Variants in ATE1 observed in about 807,000 individuals in gnomAD.
The protein encoded by ATE1 is arginyltransferase 1.
In ATE1, 36 loss-of-function variants were observed where a neutral mutation model predicts 70.5. The ratio of observed to expected loss-of-function variants is 0.51; its 90% CI spans 0.39 to 0.67. The LOEUF (loss-of-function observed/expected upper bound fraction) is 0.67. Ranked by LOEUF, ATE1 falls within the 30% of genes least tolerant of loss-of-function variation. The pLI is 0.00. For missense variants in ATE1, 593 were observed against 629.5 expected (o/e 0.94, Z 0.62); for synonymous variants, 232 against 219.3 (o/e 1.06, Z -0.51).
At chr10:121,895,129 G>A (rs190326080) in intron 7 of ATE1, among the ~76,000 whole-genome samples, 5 of 152,202 alleles carry the variant, frequency 3.3e-5, no homozygotes, top group African/African-American at 7.2e-5. Flanking sequence ...ATACACTTCC[G>A]GTGGGAATGG....
chr10:121,799,548 G>A (rs572245166), intron 10 of ATE1, among the ~76,000 whole-genome samples: 5 of 152,264 alleles, frequency 3.3e-5, no homozygotes, highest in Non-Finnish European at 7.4e-5. Context: ...CACCAAACAG[G>A]AGATGAAATG....
intron 3 of ATE1, among the ~76,000 whole-genome samples, chr10:121,915,890 CAAAAA>C (rs535820496): frequency 2.0e-5 from 2 of 98,044 alleles, no homozygotes; most frequent in African/African-American, 3.5e-5. Context: ...GACTCCATCT[CAAAAA>C]AAAAACAAAA....
intron 4 of ATE1, among the ~76,000 whole-genome samples, chr10:121,912,879 C>T (rs190332496): frequency 4.8e-4 from 65 of 134,996 alleles, no homozygotes; most frequent in African/African-American, 1.2e-3. Context: ...GGACTACGGG[C>T]GTGCACCACG....
chr10:121,812,819 G>A (rs1358178118), intron 10 of ATE1, among the ~76,000 whole-genome samples: 1 of 152,116 alleles, frequency 6.6e-6, no homozygotes, highest in Non-Finnish European at 1.5e-5. Context: ...GTTAAACTGG[G>A]ATAGCTCCAG....
intron 11 of ATE1, among the ~76,000 whole-genome samples, chr10:121,771,401 C>T (rs1945513409): frequency 6.6e-6 from 1 of 152,124 alleles, no homozygotes; most frequent in Non-Finnish European, 1.5e-5. Context: ...TTTCTGAATG[C>T]CAAAATAATG....
chr10:121,782,020 T>C (rs947474833), intron 11 of ATE1, among the ~76,000 whole-genome samples: 1 of 152,196 alleles, frequency 6.6e-6, no homozygotes, highest in Non-Finnish European at 1.5e-5. Flanking sequence ...ATAGCTTATT[T>C]TTCTGCAAAG....
At chr10:121,811,125 A>G (rs1415796351) in intron 10 of ATE1, among the ~76,000 whole-genome samples, 1 of 152,264 alleles carries the variant, frequency 6.6e-6, no homozygotes, top group African/African-American at 2.4e-5. Context: ...ACTGAAATTG[A>G]TAACTGTAAT....
intron 10 of ATE1, among the ~76,000 whole-genome samples, chr10:121,830,536 A>G (rs1948197413): frequency 6.6e-6 from 1 of 152,202 alleles, no homozygotes; most frequent in South Asian, 2.1e-4. Context: ...TCTTTTCTTT[A>G]TAAATTCTCA....
chr10:121,838,457 C>G (rs1948510280), intron 9 of ATE1, among the ~76,000 whole-genome samples: 1 of 152,172 alleles, frequency 6.6e-6, no homozygotes, highest in African/African-American at 2.4e-5. Context: ...TCCTGGCCAC[C>G]TCGAGGCACT....
intron 10 of ATE1, among the ~76,000 whole-genome samples, chr10:121,824,590 A>T (rs1025799875): frequency 6.6e-6 from 1 of 152,220 alleles, no homozygotes; most frequent in Non-Finnish European, 1.5e-5. Context: ...AGACGGATTT[A>T]GCCTTTTGTT....
rs1436260805 is a variant in ATE1 at position 121,740,653 on chromosome 10, T to G, written c.*3027A>C. The G allele has an allele frequency of 2.0e-5, 3 of 152,248 alleles. No homozygotes were observed. The highest frequency in any genetic ancestry group is 4.4e-5 in the Non-Finnish European group (3 of 68,048). 9.4% of individuals were successfully genotyped at this position (152,248 alleles called of 1,614,324 possible). A position where few individuals can be genotyped will look rare whatever the true frequency, so the allele number is the denominator to read the frequency against. On this transcript the variant is annotated 3_prime_UTR_variant, in exon 12 of 12. Coordinates refer to ENST00000224652, the MANE Select transcript of ATE1 (RefSeq NM_001001976.3). Reference sequence around the variant, plus strand: ...CAACGACAGATACATTTTAGTTAACTGTTTCATATTCCTTATCTTTATTCA... The same window carrying G: ...CAACGACAGATACATTTTAGTTAACGGTTTCATATTCCTTATCTTTATTCA...
intron 4 of ATE1, among the ~76,000 whole-genome samples, chr10:121,911,662 G>A (rs1235466177): frequency 6.6e-6 from 1 of 152,032 alleles, no homozygotes; most frequent in Non-Finnish European, 1.5e-5. Context: ...GAAATCACAT[G>A]TTAAAGAAAA....
chr10:121,908,459 G>A (rs754689307), intron 5 of ATE1, among the ~76,000 whole-genome samples: 5 of 152,230 alleles, frequency 3.3e-5, no homozygotes, highest in South Asian at 2.1e-4. Flanking sequence ...AGCCCAGACC[G>A]CGCCACAGCA....
chr10:121,747,540 G>C (rs1944419392), intron 11 of ATE1, among the ~76,000 whole-genome samples: 1 of 152,102 alleles, frequency 6.6e-6, no homozygotes, highest in African/African-American at 2.4e-5. Flanking sequence ...CTGACCCCTG[G>C]GCCCCCTTTC....
chr10:121,927,765 T>C, intron 1 of ATE1, 79 bp downstream of exon 1: 2 of 1,455,742 alleles, frequency 1.4e-6, no homozygotes, highest in South Asian at 2.7e-5. Flanking sequence ...TCCGGCCCCC[T>C]CGCGTCCTCG....
rs150104028 is a variant in ATE1 at position 121,899,874 on chromosome 10, C to A, written c.934G>T (p.Glu312Ter). 2 of 1,612,010 alleles carry A rather than the reference C, an allele frequency of 1.2e-6. No homozygotes were observed. The highest frequency in any genetic ancestry group is 2.2e-5 in the South Asian group (2 of 90,766). Residue 312 changes from glutamate (E) to a stop codon, truncating the protein, a stop_gained, in exon 7 of 12, where the codon GAA becomes TAA. Transcript: ENST00000224652. LOFTEE classifies it high-confidence loss of function. ...ACACTTGGCCTGCTGACCTGGCTTT[C>A]GGTTGGCGTATCAGGTGGGTTCTTG... ...IHKNPPDTPT[E>*]SQFTRFLCSS...
rs1590251927 is a variant in ATE1 at position 121,770,851 on chromosome 10, C to T, written c.1378+19318G>A. On this transcript the variant is annotated intron_variant, in intron 11 of 11. Transcript: ENST00000224652. ...ATGAATGAATGAATGCCTAAAACAT[C>T]TTGCATATAAAACACTGAAGCCTTA... 2.0e-5 allele frequency among the ~76,000 whole-genome samples: 3 copies of T among 151,986 alleles called. No homozygotes were observed. In the East Asian group the frequency reaches 5.8e-4, roughly 29 times the overall value.
intron 10 of ATE1, among the ~76,000 whole-genome samples, chr10:121,817,075 C>CA (rs1388420543): frequency 6.6e-6 from 1 of 152,062 alleles, no homozygotes; most frequent in Non-Finnish European, 1.5e-5. Context: ...TTAATATTGC[C>CA]AAAATTATAA....
chr10:121,893,327 C>A (rs1389583717), intron 7 of ATE1, among the ~76,000 whole-genome samples: 1 of 149,858 alleles, frequency 6.7e-6, no homozygotes, highest in African/African-American at 2.5e-5. Flanking sequence ...GATAATTGTA[C>A]CATTGGGACA....
Sources: allele counts gnomAD v4.1 joint callset (sites outside exome capture counted in the v4.1 genomes callset), GRCh38; gene constraint gnomAD v4.1.1; transcripts MANE v1.5; gene names NCBI Gene and HGNC (gene_info 2026-07-23, HGNC 2026-07-21).